The following PRKG1 variants were observed in gnomAD, a reference collection of about 807,000 sequenced individuals.
PRKG1 encodes the protein protein kinase cGMP-dependent 1.
PRKG1 carries 35 observed loss-of-function variants against 88.1 expected under a neutral mutation model. The observed-to-expected ratio is 0.40, with a 90% CI of 0.30 to 0.53. PRKG1 has a LOEUF of 0.53. PRKG1 is among the 20% of genes least tolerant of loss of function. The pLI, the probability that PRKG1 is intolerant of heterozygous loss-of-function variation, is 0.59. For missense variants in PRKG1, 540 were observed against 839.8 expected (o/e 0.64, Z 4.41); for synonymous variants, 303 against 292.5 (o/e 1.04, Z -0.37).
intron 3 of PRKG1, among the ~76,000 whole-genome samples, chr10:51,521,367 GAAAATAAACT>G (rs1231731082): frequency 2.0e-5 from 3 of 152,128 alleles, no homozygotes; most frequent in Non-Finnish European, 4.4e-5. Context: ...ATAAATAATT[GAAAATAAACT>G]AAGAAAATAA....
intron 2 of PRKG1, among the ~76,000 whole-genome samples, chr10:51,194,521 C>T (rs931705707): frequency 2.0e-5 from 3 of 152,020 alleles, no homozygotes; most frequent in East Asian, 1.9e-4. Context: ...AACTTGCCAT[C>T]GTTTATTTTA....
In PRKG1 at chr10:51,712,580, CTTTTTTTT is replaced by C. The variant is rs60053336; in HGVS notation, c.593-91985_593-91978del. Among the ~76,000 whole-genome samples, 24 of 96,026 alleles carry C rather than the reference CTTTTTTTT, an allele frequency of 2.5e-4. No homozygotes were observed. The East Asian group carries it at 3.1e-3, about 12-fold the overall frequency. The allele number at this position is 96,026 out of a possible 152,430, so 63.0% of individuals were successfully genotyped here. ...AAATGTTGACTCTAAAATATTATTCCTTTTTTTTTTTTTTTTTTTTTTTTTTTGAGACG... is the reference window on the plus strand; with the variant it reads ...AAATGTTGACTCTAAAATATTATTCCTTTTTTTTTTTTTTTTTTTGAGACG... On this transcript the variant is annotated intron_variant, in intron 3 of 17. Coordinates refer to ENST00000373980, the MANE Select transcript of PRKG1 (RefSeq NM_006258.4).
At chr10:51,140,720 C>G (rs751434797) in intron 1 of PRKG1, among the ~76,000 whole-genome samples, 6 of 152,144 alleles carry the variant, frequency 3.9e-5, no homozygotes, top group Non-Finnish European at 8.8e-5. Context: ...CTTTTCATAT[C>G]CCTCTCTCCA....
intron 1 of PRKG1, among the ~76,000 whole-genome samples, chr10:51,111,629 C>T (rs995820301): frequency 6.6e-6 from 1 of 152,084 alleles, no homozygotes; most frequent in African/African-American, 2.4e-5. Context: ...CACAGTTGGG[C>T]AATAGCAGGA....
Position 51,576,141 on chromosome 10 carries a change from A to T in PRKG1, c.592+108305A>T, listed in dbSNP as rs1476835803. ...GAGGTGAAGTAACTTGCCCATGGTC[A>T]CGCACTTTGTAGTGAAGCTGGAATT... On this transcript the variant is annotated intron_variant, in intron 3 of 17. Coordinates refer to ENST00000373980, the MANE Select transcript of PRKG1 (RefSeq NM_006258.4). Among the ~76,000 whole-genome samples, 3 of 151,928 alleles carry T rather than the reference A, an allele frequency of 2.0e-5. No individual in the cohort carries two copies. The East Asian group carries it at 5.8e-4, about 29-fold the overall frequency.
intron 4 of PRKG1, among the ~76,000 whole-genome samples, chr10:51,904,750 A>G (rs1372216712): frequency 1.3e-5 from 2 of 152,240 alleles, no homozygotes; most frequent in East Asian, 1.9e-4. Context: ...ATGCTGCTCA[A>G]TGTTTTGAGG....
At chr10:52,135,779 G>A (rs1230555491) in intron 8 of PRKG1, among the ~76,000 whole-genome samples, 1 of 152,050 alleles carries the variant, frequency 6.6e-6, no homozygotes, top group East Asian at 1.9e-4. Context: ...GGAAATGTGG[G>A]ACAGAAACTC....
chr10:51,764,889 C>A (rs1016023581), intron 3 of PRKG1, among the ~76,000 whole-genome samples: 1 of 152,146 alleles, frequency 6.6e-6, no homozygotes, highest in East Asian at 1.9e-4. Flanking sequence ...GCTTATTAGA[C>A]CCTTTCATCT....
At chr10:52,094,638 T>TCTGAGATC (rs768900947) in intron 7 of PRKG1, among the ~76,000 whole-genome samples, 3 of 152,168 alleles carry the variant, frequency 2.0e-5, no homozygotes, top group Non-Finnish European at 4.4e-5. Flanking sequence ...GTTTCAAAAG[T>TCTGAGATC]CTGAGATCAG....
chr10:51,867,529 G>A (rs1000358793), intron 4 of PRKG1, among the ~76,000 whole-genome samples: 1 of 152,132 alleles, frequency 6.6e-6, no homozygotes, highest in Non-Finnish European at 1.5e-5. Context: ...ATGGATTGGA[G>A]AAAGACTTAG....
chr10:51,468,714 A>T (rs546276120), intron 3 of PRKG1, among the ~76,000 whole-genome samples: 18 of 151,706 alleles, frequency 1.2e-4, no homozygotes, highest in African/African-American at 3.9e-4. Context: ...TTTGTCATTT[A>T]AAAAAAATGC....
chr10:51,727,647 C>G (rs931749492), intron 3 of PRKG1, among the ~76,000 whole-genome samples: 1 of 152,112 alleles, frequency 6.6e-6, no homozygotes, highest in Admixed American at 6.6e-5. Context: ...TACCTTAAGT[C>G]TGTACCCTAT....
At chr10:51,637,222 A>G (rs935488284) in intron 3 of PRKG1, among the ~76,000 whole-genome samples, 1 of 152,234 alleles carries the variant, frequency 6.6e-6, no homozygotes, top group African/African-American at 2.4e-5. Context: ...ATGAGATATC[A>G]TCTCACACCA....
intron 5 of PRKG1, among the ~76,000 whole-genome samples, chr10:51,912,063 T>C (rs1842230228): frequency 6.6e-6 from 1 of 152,216 alleles, no homozygotes; most frequent in African/African-American, 2.4e-5. Context: ...AGGCTACTTC[T>C]GTAATTACTA....
intron 2 of PRKG1, among the ~76,000 whole-genome samples, chr10:51,380,378 C>A (rs1310118894): frequency 6.6e-6 from 1 of 152,094 alleles, no homozygotes; most frequent in African/African-American, 2.4e-5. Context: ...TGCCAGAACA[C>A]CGTTGCCTCC....
chr10:52,290,014 G>T (rs1842204347), intron 16 of PRKG1, among the ~76,000 whole-genome samples: 1 of 152,030 alleles, frequency 6.6e-6, no homozygotes, highest in South Asian at 2.1e-4. Context: ...CATGTTAATT[G>T]GTGTTTAAAA....
At chr10:51,895,059 CT>C (rs1841810046) in intron 4 of PRKG1, among the ~76,000 whole-genome samples, 1 of 152,118 alleles carries the variant, frequency 6.6e-6, no homozygotes, top group Admixed American at 6.5e-5. Context: ...TCACAGATTT[CT>C]TTTTTGAATC....
intron 1 of PRKG1, among the ~76,000 whole-genome samples, chr10:51,106,016 T>G (rs1011747439): frequency 6.6e-6 from 1 of 152,190 alleles, no homozygotes; most frequent in African/African-American, 2.4e-5. Context: ...GGGTTCTGTT[T>G]CCCAACATGA....
intron 3 of PRKG1, chr10:51,699,619 G>A (rs1175809099): frequency 1.1e-5 from 16 of 1,509,864 alleles, no homozygotes; most frequent in Non-Finnish European, 1.3e-5. Flanking sequence ...CGACACTTCC[G>A]CTGAGCAACG....
Sources: gnomAD v4.1 joint callset for allele counts (sites outside exome capture counted in the v4.1 genomes callset) on GRCh38, gnomAD v4.1.1 for gene constraint, MANE v1.5 for transcripts, NCBI Gene and HGNC (gene_info 2026-07-23, HGNC 2026-07-21) for gene names.